Variants in PTPN4 observed in about 807,000 individuals in gnomAD.
PTPN4 encodes the protein protein tyrosine phosphatase non-receptor type 4.
PTPN4 carries 49 observed loss-of-function variants against 135.5 expected under a neutral mutation model. That is an observed-to-expected ratio of 0.36 (90% CI 0.29 to 0.46). The LOEUF is 0.46. PTPN4 is among the 20% of genes least tolerant of loss of function. The pLI, the probability that PTPN4 is intolerant of heterozygous loss-of-function variation, is 1.00. For missense variants in PTPN4, 860 were observed against 1,101.0 expected, an observed-to-expected ratio of 0.78 and a Z score of 3.10; for synonymous variants, 333 against 369.9, an observed-to-expected ratio of 0.90 and a Z score of 1.14.
At chr2:119,844,139 G>T (rs1292534726) in intron 2 of PTPN4, among the ~76,000 whole-genome samples, 1 of 96,092 alleles carries the variant, frequency 1.0e-5, no homozygotes, top group African/African-American at 4.2e-5. Flanking sequence ...GGGGCGGCTG[G>T]CCGGGCGGGG....
intron 10 of PTPN4, among the ~76,000 whole-genome samples, chr2:119,908,746 A>G (rs184603005): frequency 6.6e-6 from 1 of 152,212 alleles, no homozygotes; most frequent in Non-Finnish European, 1.5e-5. Flanking sequence ...TGAGGAAGGC[A>G]TGTCAAAGTC....
chr2:119,931,441 T>C (rs1323091198), intron 13 of PTPN4, among the ~76,000 whole-genome samples: 2 of 141,284 alleles, frequency 1.4e-5, no homozygotes, highest in Non-Finnish European at 3.1e-5. Context: ...TTCTTTTTTT[T>C]TTTTTTTTTT....
In PTPN4 at chr2:119,962,636, G is replaced by A; in HGVS notation, c.2301G>A (p.Trp767Ter). 6.5e-7 allele frequency: 1 copy of A among 1,547,880 alleles called. No individual in the cohort carries two copies. ...ERGRVKCHQYWPEPTGSSSYG... is the reference protein window; with the variant it reads ...ERGRVKCHQY ...ATCAGGTTAAATGTCACCAATATTGGCCAGAACCCACAGGCAGTTCATCTT... is the reference window on the plus strand; with the variant it reads ...ATCAGGTTAAATGTCACCAATATTGACCAGAACCCACAGGCAGTTCATCTT... Residue 767 changes from tryptophan (W) to a stop codon, truncating the protein, a stop_gained, in exon 24 of 27, where the codon TGG becomes TGA. Coordinates refer to ENST00000263708, the MANE Select transcript of PTPN4 (RefSeq NM_002830.4). LOFTEE classifies it high-confidence loss of function.
At chr2:119,902,917 G>A (rs1051486077) in intron 10 of PTPN4, among the ~76,000 whole-genome samples, 3 of 152,050 alleles carry the variant, frequency 2.0e-5, no homozygotes, top group Non-Finnish European at 4.4e-5. Context: ...TAAGACCCAG[G>A]CAGTTGCAAC....
intron 2 of PTPN4, among the ~76,000 whole-genome samples, chr2:119,831,934 C>CAT (rs1444849110): frequency 3.3e-5 from 5 of 152,160 alleles, no homozygotes; most frequent in African/African-American, 1.2e-4. Context: ...CTGACTACGT[C>CAT]ATAGTAAGTT....
intron 12 of PTPN4, among the ~76,000 whole-genome samples, chr2:119,924,730 C>CG (rs1678795442): frequency 1.3e-5 from 1 of 76,910 alleles, no homozygotes; most frequent in Non-Finnish European, 2.7e-5. Flanking sequence ...AAAATTGTTT[C>CG]TTTATTATGA....
chr2:119,895,717 C>G (rs1030485662), intron 9 of PTPN4, among the ~76,000 whole-genome samples: 1 of 151,872 alleles, frequency 6.6e-6, no homozygotes. Context: ...GTCAGGAGAT[C>G]GAGACCATCC....
At chr2:119,891,421 C>G (rs1678239094) in intron 9 of PTPN4, among the ~76,000 whole-genome samples, 1 of 152,162 alleles carries the variant, frequency 6.6e-6, no homozygotes, top group South Asian at 2.1e-4. Context: ...CTCCCAGATT[C>G]AAGTGATTCT....
rs1334786464 is a variant in PTPN4 at position 119,882,545 on chromosome 2, A to G, written c.509A>G (p.Tyr170Cys). ...DYDQSENLSG[Y>C]LSDYSFIPNQ... is the part of the protein sequence containing the mutation. ...GATCAGTCAGAGAACTTGTCAGGCT[A>G]CCTCTCAGATTATTCTTTCATTCCT... Residue 170 changes from tyrosine (Y) to cysteine (C), a missense_variant, in exon 8 of 27, where the codon TAC (tyrosine) becomes TGC (cysteine). Physicochemically the swap from Tyr to Cys is radical, Grantham distance 194. Coordinates refer to ENST00000263708, the MANE Select transcript of PTPN4 (RefSeq NM_002830.4). 8 of 1,552,006 alleles carry G rather than the reference A, an allele frequency of 5.2e-6. No individual in the cohort carries two copies. The highest frequency in any genetic ancestry group is 7.0e-6 in the Non-Finnish European group (8 of 1,140,810).
At chr2:119,902,563 A>G (rs1441396280) in intron 10 of PTPN4, among the ~76,000 whole-genome samples, 1 of 152,254 alleles carries the variant, frequency 6.6e-6, no homozygotes, top group Non-Finnish European at 1.5e-5. Flanking sequence ...AAGAAGGACC[A>G]GATCAGCAAG....
intron 1 of PTPN4, among the ~76,000 whole-genome samples, chr2:119,761,540 G>A (rs1690500546): frequency 6.6e-6 from 1 of 152,136 alleles, no homozygotes; most frequent in South Asian, 2.1e-4. Flanking sequence ...CTCTTCACTA[G>A]CTCGTAAGTG....
intron 1 of PTPN4, among the ~76,000 whole-genome samples, chr2:119,795,200 G>A (rs1307638292): frequency 6.6e-6 from 1 of 152,176 alleles, no homozygotes; most frequent in African/African-American, 2.4e-5. Flanking sequence ...TGGTCCATGG[G>A]TGGCCATGGA....
chr2:119,921,986 G>A (rs769779737), intron 12 of PTPN4, among the ~76,000 whole-genome samples: 10 of 152,058 alleles, frequency 6.6e-5, no homozygotes, highest in Non-Finnish European at 1.2e-4. Flanking sequence ...AAAGAAATGA[G>A]TAGGACCAAT....
intron 26 of PTPN4, among the ~76,000 whole-genome samples, chr2:119,975,184 T>G (rs1030334674): frequency 1.3e-5 from 2 of 152,202 alleles, no homozygotes; most frequent in African/African-American, 4.8e-5. Flanking sequence ...TGATCACCAC[T>G]CATCGCAGCC....
intron 9 of PTPN4, among the ~76,000 whole-genome samples, chr2:119,890,719 A>G (rs1193446323): frequency 1.3e-5 from 2 of 152,158 alleles, no homozygotes; most frequent in South Asian, 2.1e-4. Context: ...ATGATGGTAA[A>G]TGTCATCATT....
chr2:119,935,478 G>T (rs1244965032), intron 15 of PTPN4, among the ~76,000 whole-genome samples: 1 of 152,176 alleles, frequency 6.6e-6, no homozygotes, highest in Non-Finnish European at 1.5e-5. Context: ...AGGTGGAAGA[G>T]AGTACAGGTG....
chr2:119,915,281 C>T (rs1052951994), intron 11 of PTPN4, 39 bp downstream of exon 11: 1 of 1,463,264 alleles, frequency 6.8e-7, no homozygotes, highest in East Asian at 2.5e-5. Context: ...TAAATGAAGC[C>T]TTTTAAGAAA....
intron 18 of PTPN4, among the ~76,000 whole-genome samples, chr2:119,951,151 T>C (rs1346055017): frequency 6.6e-6 from 1 of 152,230 alleles, no homozygotes; most frequent in Non-Finnish European, 1.5e-5. Flanking sequence ...CCTTGGCAAA[T>C]TGTCATAATA....
intron 2 of PTPN4, among the ~76,000 whole-genome samples, chr2:119,849,982 C>A (rs542934167): frequency 6.6e-6 from 1 of 152,320 alleles, no homozygotes; most frequent in African/African-American, 2.4e-5. Flanking sequence ...TTCTTGAGGC[C>A]AATCTTTGAT....
Sources: allele counts gnomAD v4.1 joint callset (sites outside exome capture counted in the v4.1 genomes callset), GRCh38; gene constraint gnomAD v4.1.1; transcripts MANE v1.5; gene names NCBI Gene and HGNC (gene_info 2026-07-23, HGNC 2026-07-21).